GLCE: variants seen among roughly 807,000 people sequenced by gnomAD.
GLCE encodes glucuronic acid epimerase, also known as D-glucuronyl C5-epimerase.
A neutral mutation model predicts 47.9 loss-of-function variants in GLCE; 19 were observed. That is an observed-to-expected ratio of 0.40 (90% confidence interval 0.28 to 0.58). The LOEUF (loss-of-function observed/expected upper bound fraction) is 0.58. GLCE is among the 20% of genes least tolerant of loss of function. The pLI is 0.48. For synonymous variants in GLCE, 245 were observed against 263.4 expected (o/e 0.93, Z 0.68); for missense variants, 556 against 743.3 (o/e 0.75, Z 2.93).
intron 2 of GLCE, among the ~76,000 whole-genome samples, chr15:69,251,409 T>G (rs1053752581): frequency 2.0e-5 from 3 of 152,180 alleles, no homozygotes; most frequent in Non-Finnish European, 4.4e-5. Flanking sequence ...AAATAACATA[T>G]TTGGTGTTAC....
intron 1 of GLCE, among the ~76,000 whole-genome samples, chr15:69,194,907 C>CT (rs1418321954): frequency 9.9e-5 from 15 of 152,044 alleles, no homozygotes; most frequent in African/African-American, 3.4e-4. Context: ...CTTATATAGT[C>CT]TTTATAGATA....
chr15:69,177,869 T>C (rs544701253), intron 1 of GLCE, among the ~76,000 whole-genome samples: 10 of 152,352 alleles, frequency 6.6e-5, no homozygotes, highest in Non-Finnish European at 7.4e-5. Flanking sequence ...TATGTACTTT[T>C]CTTTATAGTC....
chr15:69,194,451 A>C, intron 1 of GLCE: 1 of 152,206 alleles, frequency 6.6e-6, no homozygotes, highest in East Asian at 1.9e-4. Context: ...TAAAGGAGAC[A>C]GGAAGAAGTC....
At chr15:69,214,663 C>T (rs2052280313) in intron 2 of GLCE, among the ~76,000 whole-genome samples, 1 of 152,110 alleles carries the variant, frequency 6.6e-6, no homozygotes, top group Non-Finnish European at 1.5e-5. Flanking sequence ...TTTCTGTATA[C>T]ACGCTTAAAA....
At chr15:69,213,743 C>A (rs1031959017) in intron 2 of GLCE, among the ~76,000 whole-genome samples, 32 of 152,204 alleles carry the variant, frequency 2.1e-4, no homozygotes, top group African/African-American at 7.2e-4. Flanking sequence ...ATAGGTAGAT[C>A]TTGCCTGCAG....
chr15:69,223,894 A>G (rs186583563), intron 2 of GLCE, among the ~76,000 whole-genome samples: 2 of 152,238 alleles, frequency 1.3e-5, no homozygotes, highest in Admixed American at 6.5e-5. Context: ...TCTCAGCTCC[A>G]GAATTTCTCT....
intron 1 of GLCE, among the ~76,000 whole-genome samples, chr15:69,177,679 A>T (rs2051689200): frequency 6.6e-6 from 1 of 151,350 alleles, no homozygotes; most frequent in African/African-American, 2.4e-5. Context: ...TCTTTACTTC[A>T]TGCCCCTTTA....
At chr15:69,208,234 TTTC>T (rs551704267) in intron 1 of GLCE, among the ~76,000 whole-genome samples, 172 of 152,198 alleles carry the variant, frequency 1.1e-3, no homozygotes, top group Non-Finnish European at 2.1e-3. Context: ...TAACAAAGAT[TTTC>T]TTCTTCTTTG....
chr15:69,235,273 A>G (rs974237947), intron 2 of GLCE, among the ~76,000 whole-genome samples: 1 of 151,038 alleles, frequency 6.6e-6, no homozygotes, highest in African/African-American at 2.4e-5. Flanking sequence ...ACACCCTCCT[A>G]ATTTTTGTAT....
chr15:69,252,785 AT>A lies in GLCE; in HGVS notation c.-13-3008del, dbSNP rs199553578. Among the ~76,000 whole-genome samples the A allele has an allele frequency of 3.9e-3, 597 of 152,168 alleles. 4 individuals are homozygous for A. Among genetic ancestry groups the A allele is most frequent in the African/African-American group, 0.012 (513 of 41,440 alleles). On this transcript the variant is annotated intron_variant, in intron 2 of 4. Transcript: ENST00000261858. ...TTTAATGAAGGATTTAAAAAAAAAAATAAACACCATTTAGTGTTATCAGTTT... is the reference window on the plus strand; with the variant it reads ...TTTAATGAAGGATTTAAAAAAAAAAAAAACACCATTTAGTGTTATCAGTTT...
At chr15:69,266,521 G>A (rs533584783) in intron 4 of GLCE, among the ~76,000 whole-genome samples, 9 of 151,962 alleles carry the variant, frequency 5.9e-5, no homozygotes, top group Non-Finnish European at 1.3e-4. Context: ...TTAGGGTCTC[G>A]CTTTCTTGCC....
intron 4 of GLCE, among the ~76,000 whole-genome samples, chr15:69,263,644 C>T (rs1404842646): frequency 6.6e-6 from 1 of 152,112 alleles, no homozygotes; most frequent in Admixed American, 6.5e-5. Context: ...TTTCCCCAAG[C>T]ACTCTTTTCA....
intron 2 of GLCE, among the ~76,000 whole-genome samples, chr15:69,215,566 C>CTG (rs1321290696): frequency 5.1e-5 from 6 of 118,514 alleles, no homozygotes; most frequent in Admixed American, 1.7e-4. Flanking sequence ...GTGTGTGTCT[C>CTG]TGTGTGTGTG....
At position 69,213,239 on chromosome 15, in the gene GLCE, A is replaced by G. The variant is rs578096518; in HGVS notation, c.-14+2833A>G. On this transcript the variant is annotated intron_variant, in intron 2 of 4. Transcript: ENST00000261858. ...AGAACTAAATAATCAATAATGACTT[A>G]CTAAAACTACAGACCTTATTAGAAT... 9.9e-5 allele frequency among the ~76,000 whole-genome samples: 15 copies of G among 152,236 alleles called. No individual in the cohort carries two copies. In the East Asian group the frequency reaches 2.9e-3, roughly 29 times the overall value.
intron 1 of GLCE, among the ~76,000 whole-genome samples, chr15:69,164,058 T>C (rs1016921998): frequency 6.6e-6 from 1 of 152,022 alleles, no homozygotes; most frequent in Non-Finnish European, 1.5e-5. Context: ...AATTTAATTG[T>C]TTCCTGAGTT....
chr15:69,257,180 G>A (rs1198323557), intron 3 of GLCE, among the ~76,000 whole-genome samples: 1 of 152,154 alleles, frequency 6.6e-6, no homozygotes, highest in Non-Finnish European at 1.5e-5. Flanking sequence ...TGGTGACCAT[G>A]TGGATGTTTT....
chr15:69,183,372 A>C (rs2051777702), intron 1 of GLCE, among the ~76,000 whole-genome samples: 1 of 152,208 alleles, frequency 6.6e-6, no homozygotes, highest in Non-Finnish European at 1.5e-5. Context: ...AATTGTCTGG[A>C]ATGGGCAACT....
intron 1 of GLCE, among the ~76,000 whole-genome samples, chr15:69,176,199 G>C (rs907092868): frequency 1.7e-5 from 2 of 118,648 alleles, no homozygotes; most frequent in African/African-American, 3.0e-5. Flanking sequence ...TGATCTAGTA[G>C]TTTTCAGTGG....
At chr15:69,163,897 GTATCTGAAAA>G (rs1218576605) in intron 1 of GLCE, among the ~76,000 whole-genome samples, 12 of 152,214 alleles carry the variant, frequency 7.9e-5, no homozygotes, top group Non-Finnish European at 1.3e-4. Flanking sequence ...GGTATTTCAA[GTATCTGAAAA>G]TTATAAGGGT....
Sources: allele counts gnomAD v4.1 joint callset (sites outside exome capture counted in the v4.1 genomes callset), GRCh38; gene constraint gnomAD v4.1.1; transcripts MANE v1.5; gene names NCBI Gene and HGNC (gene_info 2026-07-23, HGNC 2026-07-21).